The following GSE1 variants were observed in gnomAD, a reference collection of about 807,000 sequenced individuals.
GSE1 encodes Gse1 coiled-coil protein, also known as genetic suppressor element 1.
GSE1 carries 32 observed loss-of-function variants against 112.6 expected under a neutral mutation model. The ratio of observed to expected loss-of-function variants is 0.28; its 90% CI spans 0.21 to 0.38. The LOEUF is 0.38. GSE1 is among the 10% of genes least tolerant of loss of function. The pLI is 1.00. For missense variants in GSE1, 2,348 were observed against 1,699.2 expected (o/e 1.38, Z -6.71); for synonymous variants, 1,115 against 735.6 (o/e 1.52, Z -8.35).
intron 1 of GSE1, among the ~76,000 whole-genome samples, chr16:85,273,527 G>A (rs899871222): frequency 1.7e-4 from 25 of 149,378 alleles, no homozygotes; most frequent in African/African-American, 5.2e-4. Context: ...CCATGAAAAC[G>A]TGACGCTGAG....
At chr16:85,607,757 A>G (rs1273451195), upstream of GSE1, among the ~76,000 whole-genome samples, 3 of 152,204 alleles carry the variant, frequency 2.0e-5, no homozygotes, top group Non-Finnish European at 4.4e-5. Context: ...CCTTTATCCA[A>G]TCAGCAGATC....
exon 1 of GSE1, chr16:85,169,552 C>G (rs2074326676): frequency 1.0e-6 from 1 of 973,418 alleles, no homozygotes; most frequent in South Asian, 4.6e-5. Flanking sequence ...CCCGGTCTCC[C>G]GCAAGCAGCG....
At chr16:85,248,406 T>G (rs1215882346) in intron 1 of GSE1, among the ~76,000 whole-genome samples, 1 of 152,036 alleles carries the variant, frequency 6.6e-6, no homozygotes, top group Non-Finnish European at 1.5e-5. Flanking sequence ...TCTTTCTGTT[T>G]CCTCTGTCTC....
At chr16:85,430,203 G>A (rs1340680437) in intron 2 of GSE1, among the ~76,000 whole-genome samples, 1 of 152,176 alleles carries the variant, frequency 6.6e-6, no homozygotes, top group Non-Finnish European at 1.5e-5. Context: ...CAACCTCATG[G>A]GTCATGAAGC....
intron 1 of GSE1, among the ~76,000 whole-genome samples, chr16:85,600,174 G>T (rs371758604): frequency 1.1e-4 from 16 of 152,232 alleles, no homozygotes; most frequent in African/African-American, 3.6e-4. Flanking sequence ...TGCTTTTAAG[G>T]TGCCACCTTG....
intron 1 of GSE1, among the ~76,000 whole-genome samples, chr16:85,242,558 A>G (rs1248501856): frequency 3.3e-5 from 5 of 152,202 alleles, no homozygotes; most frequent in African/African-American, 1.2e-4. Flanking sequence ...CGCTTTACAG[A>G]TGGGTGCACT....
At position 85,419,078 on chromosome 16, in the gene GSE1, G is replaced by A. The variant is rs2048767090; in HGVS notation, c.2464+61435G>A. 6.6e-6 allele frequency among the ~76,000 whole-genome samples: 1 copy of A among 152,112 alleles called. No individual in the cohort carries two copies. Among genetic ancestry groups the A allele is most frequent in the South Asian group, 2.1e-4 (1 of 4,816 alleles). On this transcript the variant is annotated intron_variant, in intron 2 of 2. Transcript: ENST00000637419. This position sits in a 1 kb window ranked among gnomAD's most constrained non-coding sequence, Gnocchi z 6.5. ...TATTTGAGTCTGGAGCTATGAATGT[G>A]GGCGTCCCAGCGCACAGATGGCGTG...
At chr16:85,603,019 G>A (rs370041703) in intron 1 of GSE1, among the ~76,000 whole-genome samples, 5 of 152,258 alleles carry the variant, frequency 3.3e-5, no homozygotes, top group East Asian at 3.8e-4. Context: ...ACAGCTGGCC[G>A]CTTTCCAGCC....
chr16:85,460,385 G>A lies in GSE1; in HGVS notation c.2464+102742G>A, dbSNP rs535674885. Among the ~76,000 whole-genome samples, 12 of 152,298 alleles carry A rather than the reference G, an allele frequency of 7.9e-5. No individual in the cohort carries two copies. In the South Asian group the frequency reaches 1.9e-3, roughly 24 times the overall value. The stretch of plus-strand genomic sequence containing the variant: ...TTTCTTAAACTTCCCGAATTGTCCC[G>A]TCGAGCAGGGGTGACCACCAGGGCT... On this transcript the variant is annotated intron_variant, in intron 2 of 2. Coordinates refer to the GSE1 transcript ENST00000637419.
chr16:85,608,613 C>G (rs979062453), upstream of GSE1, among the ~76,000 whole-genome samples: 1 of 152,174 alleles, frequency 6.6e-6, no homozygotes, highest in Non-Finnish European at 1.5e-5. Context: ...GTAAGAGCCA[C>G]GTCTGGATGA....
intron 1 of GSE1, among the ~76,000 whole-genome samples, chr16:85,231,533 T>C (rs1904286964): frequency 6.6e-6 from 1 of 152,192 alleles, no homozygotes; most frequent in Non-Finnish European, 1.5e-5. Context: ...AATGAGCAGA[T>C]GGTTAGACAA....
At position 85,212,288 on chromosome 16, in the gene GSE1, C is replaced by T. The variant is rs141567966; in HGVS notation, c.2283+40481C>T. Among the ~76,000 whole-genome samples the T allele has an allele frequency of 6.9e-3, 1,050 of 152,218 alleles. 17 individuals carry two copies. Among genetic ancestry groups the T allele is most frequent in the African/African-American group, 0.025 (1,019 of 41,534 alleles). ...GGGCATGGTGGCAGGCGCCTGTTAT[C>T]CCAGCTACTTGGGAAGCTGAGGCAG... On this transcript the variant is annotated intron_variant, in intron 1 of 2. Coordinates refer to the GSE1 transcript ENST00000637419.
chr16:85,550,758 C>T (rs933156239), intron 2 of GSE1, among the ~76,000 whole-genome samples: 1 of 152,222 alleles, frequency 6.6e-6, no homozygotes, highest in African/African-American at 2.4e-5. Context: ...TGTCTCCGTG[C>T]TGTGGCAAAG....
At chr16:85,569,677 A>G (rs897627109) in intron 1 of GSE1, among the ~76,000 whole-genome samples, 1 of 152,232 alleles carries the variant, frequency 6.6e-6, no homozygotes, top group African/African-American at 2.4e-5. Flanking sequence ...CAGTGCCAGC[A>G]CACACGGGTA....
chr16:85,604,385 C>A (rs2047593996), intron 1 of GSE1, among the ~76,000 whole-genome samples: 1 of 152,062 alleles, frequency 6.6e-6, no homozygotes, highest in South Asian at 2.1e-4. Flanking sequence ...TATGGATAAA[C>A]CATGTTTTCT....
intron 1 of GSE1, among the ~76,000 whole-genome samples, chr16:85,624,996 C>T (rs896618596): frequency 6.6e-6 from 1 of 152,186 alleles, no homozygotes; most frequent in African/African-American, 2.4e-5. Flanking sequence ...GTAGCCGGCG[C>T]CCTGTAAAAG....
intron 2 of GSE1, among the ~76,000 whole-genome samples, chr16:85,382,861 C>A (rs1384732280): frequency 6.6e-6 from 1 of 151,944 alleles, no homozygotes; most frequent in African/African-American, 2.4e-5. Flanking sequence ...CATGTGCACA[C>A]ACAGCACACA....
upstream of GSE1, chr16:85,555,031 C>T (rs2151255246): frequency 1.0e-6 from 1 of 985,360 alleles, no homozygotes; most frequent in East Asian, 1.1e-4. Flanking sequence ...CGGGGGGAAG[C>T]TCGCAAGTGA....
intron 2 of GSE1, among the ~76,000 whole-genome samples, chr16:85,549,276 G>A (rs1400493332): frequency 6.6e-6 from 1 of 151,758 alleles, no homozygotes; most frequent in Non-Finnish European, 1.5e-5. Context: ...CTGGGCTCAA[G>A]AGATCCTGCT....
Sources: allele counts gnomAD v4.1 joint callset (sites outside exome capture counted in the v4.1 genomes callset), GRCh38; gene constraint gnomAD v4.1.1; non-coding constraint Gnocchi (gnomAD v3.1); transcripts MANE v1.5; gene names NCBI Gene and HGNC (gene_info 2026-07-23, HGNC 2026-07-21).